TLN2: variants seen among roughly 807,000 people sequenced by gnomAD.
The protein encoded by TLN2 is talin-2.
In TLN2, 118 loss-of-function variants were observed where a neutral mutation model predicts 294.7. The ratio of observed to expected loss-of-function variants is 0.40; its 90% CI spans 0.34 to 0.47. The LOEUF is 0.47. Among genes scored for constraint, TLN2 ranks in the 20% least tolerant of loss-of-function variants. The probability of loss-of-function intolerance (pLI) is 0.84; values close to 1 mark genes in which losing one functional copy is unlikely to be tolerated. For missense variants in TLN2, 3,083 were observed against 3,282.2 expected (o/e 0.94, Z 1.48); for synonymous variants, 1,431 against 1,304.5 (o/e 1.10, Z -2.09).
intron 27 of TLN2, among the ~76,000 whole-genome samples, chr15:62,725,397 T>A (rs908251130): frequency 6.6e-6 from 1 of 152,106 alleles, no homozygotes; most frequent in Admixed American, 6.5e-5. Flanking sequence ...ATGATGCACA[T>A]AGAAAAGATT....
At chr15:62,578,822 G>A (rs1320430965) in intron 1 of TLN2, among the ~76,000 whole-genome samples, 2 of 152,174 alleles carry the variant, frequency 1.3e-5, no homozygotes, top group Non-Finnish European at 2.9e-5. Context: ...GAGGCATGGA[G>A]GACTTAGTCA....
chr15:62,717,750 A>AC, intron 24 of TLN2, 61 bp downstream of exon 24: 3 of 1,220,536 alleles, frequency 2.5e-6, no homozygotes, highest in Non-Finnish European at 3.3e-6. Flanking sequence ...ACATTAGAAC[A>AC]CCAAGTCCCC....
intron 1 of TLN2, among the ~76,000 whole-genome samples, chr15:62,567,914 G>T (rs1451720385): frequency 6.6e-6 from 1 of 152,036 alleles, no homozygotes; most frequent in Non-Finnish European, 1.5e-5. Flanking sequence ...ACTTCGGCCA[G>T]GCATGCTAAA....
chr15:62,503,494 C>T (rs1195723703), intron 1 of TLN2, among the ~76,000 whole-genome samples: 1 of 152,248 alleles, frequency 6.6e-6, no homozygotes, highest in Non-Finnish European at 1.5e-5. Flanking sequence ...GGTTCAGTCA[C>T]TGCCACAGTC....
intron 12 of TLN2, chr15:62,690,459 G>A (rs548806466): frequency 5.2e-4 from 69 of 131,710 alleles, no homozygotes; most frequent in East Asian, 4.0e-3. Context: ...GATGGCGGCC[G>A]GCCGGGAAGA....
intron 2 of TLN2, among the ~76,000 whole-genome samples, chr15:62,591,790 G>A (rs1330367852): frequency 5.3e-5 from 8 of 152,018 alleles, no homozygotes. Context: ...GAGGTCGAGG[G>A]CACAGCTCAG....
At chr15:62,631,699 TTCTCTCCC>T (rs1286388210) in intron 3 of TLN2, among the ~76,000 whole-genome samples, 2 of 146,558 alleles carry the variant, frequency 1.4e-5, no homozygotes, top group African/African-American at 5.0e-5. Context: ...CTTTCTTTCT[TTCTCTCCC>T]TCCCTCCCTC....
intron 34 of TLN2, 90 bp from the exon 35 acceptor site, chr15:62,752,215 C>A: frequency 1.3e-6 from 2 of 1,493,004 alleles, no homozygotes; most frequent in Non-Finnish European, 1.8e-6. Context: ...ATTAAGTTGC[C>A]TTGAATATTA....
intron 1 of TLN2, among the ~76,000 whole-genome samples, chr15:62,533,422 C>G (rs1288083153): frequency 2.0e-5 from 3 of 151,962 alleles, no homozygotes; most frequent in Admixed American, 2.0e-4. Context: ...ATCCCCTAAC[C>G]CCTCCCTCAA....
chr15:62,761,533 C>A (rs2141021169), intron 37 of TLN2, 148 bp from the exon 38 acceptor site: 1 of 1,097,372 alleles, frequency 9.1e-7, no homozygotes. Flanking sequence ...GGGTCTCTTT[C>A]ATCAGTTCCT....
At chr15:62,606,591 A>G (rs1457176811) in intron 2 of TLN2, among the ~76,000 whole-genome samples, 3 of 152,166 alleles carry the variant, frequency 2.0e-5, no homozygotes, top group Non-Finnish European at 4.4e-5. Context: ...ACCCAAGTAT[A>G]AGGTCAGCGA....
chr15:62,702,690 T>G lies in TLN2; in HGVS notation c.1906-76T>G, dbSNP rs149932072. 3,852 of 1,431,378 alleles carry G rather than the reference T, an allele frequency of 2.7e-3. 15 individuals are homozygous for G. Among genetic ancestry groups the G allele is most frequent in the Non-Finnish European group, 3.1e-3 (3,105 of 1,015,406 alleles). The allele number at this position is 1,431,378 out of a possible 1,614,324, so 88.7% of individuals were successfully genotyped here. A position where few individuals can be genotyped will look rare whatever the true frequency, so the allele number is the denominator to read the frequency against. ...GGGAGCAAATTCTGTGAGATTCTAC[T>G]TCCTGTACTTCCATGTCTGATGGCA... On this transcript the variant is annotated intron_variant, in intron 18 of 58. Transcript: ENST00000636159.
rs67564590 is a variant in TLN2, at chr15:62,583,504, G to GTT, written c.-237-6175_-237-6174dup. Among the ~76,000 whole-genome samples the GTT allele has an allele frequency of 2.1e-4, 31 of 150,042 alleles. No homozygotes were observed. The South Asian group carries it at 3.4e-3, about 16-fold the overall frequency. ...TTTCTCCTCTCGCCCTTCTTTTTTT[G>GTT]TTTTTTTTTGGATTACAAAAGATGG... On this transcript the variant is annotated intron_variant, in intron 1 of 58. Transcript: ENST00000636159.
chr15:62,821,429 C>CA (rs927683097), intron 54 of TLN2, among the ~76,000 whole-genome samples: 1 of 152,138 alleles, frequency 6.6e-6, no homozygotes, highest in East Asian at 1.9e-4. Flanking sequence ...CTTTTCCCCT[C>CA]AAAAAAGGGC....
At chr15:62,392,495 C>G (rs2032183563) in intron 1 of TLN2, among the ~76,000 whole-genome samples, 1 of 152,174 alleles carries the variant, frequency 6.6e-6, no homozygotes. Flanking sequence ...CCTCCCTTCT[C>G]CAGAGCTTGG....
At chr15:62,788,323 A>G (rs2064842794) in intron 45 of TLN2, among the ~76,000 whole-genome samples, 1 of 152,162 alleles carries the variant, frequency 6.6e-6, no homozygotes, top group Admixed American at 6.5e-5. Context: ...AAAAAAAGAA[A>G]CAAAGAATTT....
At chr15:62,447,126 GT>G (rs1207910858) in intron 1 of TLN2, among the ~76,000 whole-genome samples, 1 of 151,708 alleles carries the variant, frequency 6.6e-6, no homozygotes, top group Non-Finnish European at 1.5e-5. Flanking sequence ...ATAATCTTTG[GT>G]TTCCCAGACT....
At chr15:62,580,417 T>TCCCTCCCTCCCTCCCC (rs2044847156) in intron 1 of TLN2, among the ~76,000 whole-genome samples, 1 of 108,100 alleles carries the variant, frequency 9.3e-6, no homozygotes, top group Non-Finnish European at 2.0e-5. Context: ...CCTCCCTCCC[T>TCCCTCCCTCCCTCCCC]CCCTCCCTTC....
chr15:62,689,877 T>TTTTA (rs71131119), intron 12 of TLN2, among the ~76,000 whole-genome samples: 345 of 9,828 alleles, frequency 0.035, 126 homozygotes, highest in Middle Eastern at 0.17. Context: ...TTTTTTTTTT[T>TTTTA]ATTGGCTGAC....
Sources: gnomAD v4.1 joint callset for allele counts (sites outside exome capture counted in the v4.1 genomes callset) on GRCh38, gnomAD v4.1.1 for gene constraint, MANE v1.5 for transcripts, NCBI Gene and HGNC (gene_info 2026-07-23, HGNC 2026-07-21) for gene names.